Variants in CCR5AS observed in about 807,000 individuals in gnomAD.
The protein encoded by CCR5AS is CCR5 antisense RNA.
At chr3:46,366,175 G>A (rs1701596710) in intron 3 of CCR5AS, among the ~76,000 whole-genome samples, 1 of 152,154 alleles carries the variant, frequency 6.6e-6, no homozygotes, top group Non-Finnish European at 1.5e-5. Context: ...TCATCTTCTA[G>A]TAAGCCCTGG....
intron 2 of CCR5AS, among the ~76,000 whole-genome samples, chr3:46,377,926 C>T (rs1014173474): frequency 6.6e-6 from 1 of 152,124 alleles, no homozygotes; most frequent in African/African-American, 2.4e-5. Flanking sequence ...AGGATGCTCT[C>T]GATCTCCTGA....
At chr3:46,399,202 G>A (rs1701986452) in intron 1 of CCR5AS, among the ~76,000 whole-genome samples, 1 of 152,202 alleles carries the variant, frequency 6.6e-6, no homozygotes, top group Admixed American at 6.5e-5. Context: ...GGGCTGGACT[G>A]ATGTCTGCGT....
At chr3:46,391,978 T>C (rs762510897) in intron 2 of CCR5AS, among the ~76,000 whole-genome samples, 1 of 152,160 alleles carries the variant, frequency 6.6e-6, no homozygotes, top group East Asian at 1.9e-4. Flanking sequence ...GAGGGACTGA[T>C]GTGTAAAGAA....
chr3:46,406,589 A>C (rs946301062), intron 1 of CCR5AS, among the ~76,000 whole-genome samples: 2 of 151,810 alleles, frequency 1.3e-5, no homozygotes, highest in African/African-American at 4.8e-5. Context: ...ACCCAACTTG[A>C]TGTCGCCTCT....
intron 3 of CCR5AS, among the ~76,000 whole-genome samples, chr3:46,366,531 C>A (rs576630000): frequency 4.9e-4 from 75 of 152,330 alleles, no homozygotes; most frequent in Admixed American, 2.7e-3. Flanking sequence ...TTGAGCCTAT[C>A]TAATGAATCC....
chr3:46,393,425 C>G (rs1394471403), intron 1 of CCR5AS, among the ~76,000 whole-genome samples: 1 of 131,070 alleles, frequency 7.6e-6, no homozygotes, highest in Non-Finnish European at 1.5e-5. Context: ...GAGCCAAGAT[C>G]ACACTACTGC....
chr3:46,373,773 T>C (rs200740810), intron 2 of CCR5AS: 3 of 1,613,780 alleles, frequency 1.9e-6, no homozygotes, highest in Non-Finnish European at 2.5e-6. Flanking sequence ...GACGCACTGC[T>C]GCATCAACCC....
rs1027259393 is a variant in CCR5AS at position 46,371,882 on chromosome 3, T to A, written n.392-465A>T. On this transcript the variant is annotated intron_variant and non_coding_transcript_variant, in intron 2 of 3. Coordinates refer to ENST00000451485, the Ensembl canonical transcript of CCR5AS. ...ACCCGGCCATTTCACTCTGACTACATCATGTCACCAAACATCTGATGGTCT... is the reference window on the plus strand; with the variant it reads ...ACCCGGCCATTTCACTCTGACTACAACATGTCACCAAACATCTGATGGTCT... Among the ~76,000 whole-genome samples the A allele has an allele frequency of 1.4e-4, 21 of 152,296 alleles. 1 individual carries two copies. The Middle Eastern group carries it at 0.01, about 74-fold the overall frequency.
rs538421437 is a variant in CCR5AS at position 46,406,544 on chromosome 3, T to G, written n.163+353A>C. On this transcript the variant is annotated intron_variant and non_coding_transcript_variant, in intron 1 of 3. Coordinates refer to ENST00000451485, the Ensembl canonical transcript of CCR5AS. ...ACCTACCCTAGCCCCCAGCCTCAGT[T>G]TGGGGTTAAACTTGTCCTCCTCACA... 2.2e-4 allele frequency among the ~76,000 whole-genome samples: 34 copies of G among 152,042 alleles called. No individual in the cohort carries two copies. In the South Asian group the frequency reaches 7.1e-3, roughly 32 times the overall value.
At chr3:46,373,082 G>C in intron 2 of CCR5AS, 1 of 1,614,172 alleles carries the variant, frequency 6.2e-7, no homozygotes, top group Non-Finnish European at 8.5e-7. Flanking sequence ...ACTGCAAAAG[G>C]CTGAAGAGCA....
At chr3:46,382,461 C>T (rs970401850) in intron 2 of CCR5AS, among the ~76,000 whole-genome samples, 2 of 152,192 alleles carry the variant, frequency 1.3e-5, no homozygotes, top group African/African-American at 4.8e-5. Flanking sequence ...TACACTTCCG[C>T]TCTTAAACTC....
At chr3:46,382,224 G>C (rs1410137554) in intron 2 of CCR5AS, among the ~76,000 whole-genome samples, 2 of 152,144 alleles carry the variant, frequency 1.3e-5, no homozygotes, top group African/African-American at 4.8e-5. Flanking sequence ...AACATGGCAC[G>C]GGCCAGGTAG....
intron 2 of CCR5AS, among the ~76,000 whole-genome samples, chr3:46,390,445 G>A (rs183404631): frequency 6.6e-6 from 1 of 152,258 alleles, no homozygotes; most frequent in East Asian, 1.9e-4. Context: ...TAGGCTTTAA[G>A]AGGCCATGTT....
intron 2 of CCR5AS, among the ~76,000 whole-genome samples, chr3:46,389,396 AGAGTGT>A (rs1356595665): frequency 6.6e-6 from 1 of 152,174 alleles, no homozygotes; most frequent in Admixed American, 6.5e-5. Flanking sequence ...TCAAAGCTGT[AGAGTGT>A]GAGGGGTCAG....
At chr3:46,372,179 T>C (rs1701670919) in intron 2 of CCR5AS, among the ~76,000 whole-genome samples, 3 of 152,174 alleles carry the variant, frequency 2.0e-5, no homozygotes, top group Non-Finnish European at 4.4e-5. Context: ...TAATTATTAC[T>C]GGCTTGCTCA....
intron 3 of CCR5AS, among the ~76,000 whole-genome samples, chr3:46,370,058 G>A (rs1426052341): frequency 1.3e-5 from 2 of 152,134 alleles, no homozygotes; most frequent in Admixed American, 1.3e-4. Context: ...ACCGCCAAGA[G>A]AGCTTGATAT....
chr3:46,397,879 T>A (rs1260145645), intron 1 of CCR5AS, among the ~76,000 whole-genome samples: 1 of 152,156 alleles, frequency 6.6e-6, no homozygotes, highest in Non-Finnish European at 1.5e-5. Flanking sequence ...CGCTACTCAA[T>A]GGAAAGAGAT....
chr3:46,372,814 TA>T, intron 2 of CCR5AS: 1 of 992,358 alleles, frequency 1.0e-6, no homozygotes, highest in Non-Finnish European at 1.5e-6. Flanking sequence ...TATTGATGTA[TA>T]AAACAGTTTG....
chr3:46,372,528 CACA>C (rs71619644), intron 2 of CCR5AS: 49,501 of 167,440 alleles, frequency 0.3, 8,282 homozygotes, highest in East Asian at 0.54. Context: ...GACCCTGTCT[CACA>C]ACAACAACAA....
Sources: gnomAD v4.1 joint callset for allele counts (sites outside exome capture counted in the v4.1 genomes callset) on GRCh38, gnomAD v4.1.1 for gene constraint, MANE v1.5 for transcripts, NCBI Gene and HGNC (gene_info 2026-07-23, HGNC 2026-07-21) for gene names.